The following CNTLN variants were observed in gnomAD, a reference collection of about 807,000 sequenced individuals.
CNTLN encodes centlein.
Under a neutral mutation model 180.0 loss-of-function variants are expected in CNTLN, and 212 were observed. That is an observed-to-expected ratio of 1.18 (90% CI 1.05 to 1.32). The LOEUF (loss-of-function observed/expected upper bound fraction) is 1.32. CNTLN is among the 40% of genes most tolerant of loss of function. CNTLN has a pLI of 0.00. For missense variants in CNTLN, 2,095 were observed against 1,610.9 expected, an observed-to-expected ratio of 1.30 and a Z score of -5.14; for synonymous variants, 722 against 563.1, an observed-to-expected ratio of 1.28 and a Z score of -3.99.
In CNTLN at chr9:17,176,788, T is replaced by G. The variant is rs905355040; in HGVS notation, c.449+33412T>G. Reference sequence around the variant, plus strand: ...GTTATAGGATTGTTCAGTTATCTATTTCATGTTGGTGAAGTGTGGTAGTTT... The same window carrying G: ...GTTATAGGATTGTTCAGTTATCTATGTCATGTTGGTGAAGTGTGGTAGTTT... On this transcript the variant is annotated intron_variant, in intron 2 of 25. Coordinates refer to ENST00000380647, the MANE Select transcript of CNTLN (RefSeq NM_017738.4). Among the ~76,000 whole-genome samples the G allele has an allele frequency of 1.1e-4, 17 of 152,212 alleles. 1 individual carries two copies. Among genetic ancestry groups the G allele is most frequent in the Admixed American group, 9.2e-4 (14 of 15,288 alleles).
At chr9:17,277,310 A>AACCATTACC (rs1828374270) in intron 6 of CNTLN, among the ~76,000 whole-genome samples, 1 of 152,012 alleles carries the variant, frequency 6.6e-6, no homozygotes, top group African/African-American at 2.4e-5. Flanking sequence ...TACAATTGAG[A>AACCATTACC]TGAGAATTTT....
chr9:17,246,452 G>A (rs1423437882), intron 5 of CNTLN, among the ~76,000 whole-genome samples: 1 of 152,144 alleles, frequency 6.6e-6, no homozygotes, highest in Non-Finnish European at 1.5e-5. Context: ...GGTGACACAA[G>A]CACCCCTGTG....
At chr9:17,323,832 T>G (rs1024512742) in intron 8 of CNTLN, among the ~76,000 whole-genome samples, 19 of 152,174 alleles carry the variant, frequency 1.2e-4, no homozygotes, top group African/African-American at 4.3e-4. Context: ...TAGAATAAAT[T>G]TAATTACCCT....
In CNTLN at chr9:17,484,384, T is replaced by TA; in HGVS notation, c.3949dup (p.Thr1317AsnfsTer5). The TA allele has an allele frequency of 6.2e-7, 1 of 1,612,986 alleles. No homozygotes were observed. Among genetic ancestry groups the TA allele is most frequent in the Non-Finnish European group, 8.5e-7 (1 of 1,179,558 alleles). On this transcript the variant is annotated frameshift_variant, in exon 24 of 26. Transcript: ENST00000380647. LOFTEE classifies it high-confidence loss of function. The stretch of plus-strand genomic sequence containing the variant: ...AAATGAAGAAAAACAGGGACGCCTG[T>TA]AAAACCTCAACCCATAAAGCCCAGA...
intron 2 of CNTLN, among the ~76,000 whole-genome samples, chr9:17,158,429 A>T (rs1819450962): frequency 6.6e-6 from 1 of 152,076 alleles, no homozygotes; most frequent in Non-Finnish European, 1.5e-5. Context: ...CTTAAATTTT[A>T]TGAAGAATTT....
chr9:17,290,045 C>G (rs976616338), intron 6 of CNTLN, among the ~76,000 whole-genome samples: 1 of 152,196 alleles, frequency 6.6e-6, no homozygotes, highest in African/African-American at 2.4e-5. Context: ...TTTTCCGTTG[C>G]TGGTGAGGAA....
chr9:17,312,569 T>C (rs1282812098), intron 8 of CNTLN, among the ~76,000 whole-genome samples: 1 of 141,936 alleles, frequency 7.0e-6, no homozygotes, highest in South Asian at 2.3e-4. Flanking sequence ...TTTTTTTTTT[T>C]TTTTTTTGTA....
intron 12 of CNTLN, among the ~76,000 whole-genome samples, chr9:17,358,685 G>A (rs898769018): frequency 6.6e-6 from 1 of 151,936 alleles, no homozygotes; most frequent in African/African-American, 2.4e-5. Context: ...TTTAAAGTAT[G>A]TACTAAAAAA....
rs1303798032 is a variant in CNTLN at position 17,288,707 on chromosome 9, T to G, written c.984-9483T>G. 1.4e-5 allele frequency among the ~76,000 whole-genome samples: 2 copies of G among 138,808 alleles called. 1 individual carries two copies. The highest frequency in any genetic ancestry group is 3.0e-5 in the Non-Finnish European group (2 of 65,918). The allele number at this position is 138,808 out of a possible 152,430, so 91.1% of individuals were successfully genotyped here. On this transcript the variant is annotated intron_variant, in intron 6 of 25. Coordinates refer to ENST00000380647, the MANE Select transcript of CNTLN (RefSeq NM_017738.4). ...CTGGGTGTCCTGTATTGGGTGCATA[T>G]ATATTTAGGATAGTTAGCTCTTCTT... is the stretch of plus-strand genomic sequence containing the variant.
downstream of CNTLN, among the ~76,000 whole-genome samples, chr9:17,504,522 T>C (rs1833896748): frequency 6.6e-6 from 1 of 152,162 alleles, no homozygotes; most frequent in Non-Finnish European, 1.5e-5. Flanking sequence ...AACCTGCGAA[T>C]GTGTTACTTT....
At chr9:17,504,130 T>C (rs575676392), downstream of CNTLN, among the ~76,000 whole-genome samples, 11 of 152,194 alleles carry the variant, frequency 7.2e-5, no homozygotes, top group Admixed American at 5.2e-4. Flanking sequence ...ACACTTTTCA[T>C]GTCAAAACAG....
chr9:17,497,300 G>C (rs976412638), intron 25 of CNTLN, among the ~76,000 whole-genome samples: 10 of 152,112 alleles, frequency 6.6e-5, no homozygotes, highest in African/African-American at 2.2e-4. Context: ...TTGGGGACGA[G>C]AATTATAGTG....
chr9:17,383,424 G>C (rs1564054768), intron 13 of CNTLN, among the ~76,000 whole-genome samples: 1 of 151,836 alleles, frequency 6.6e-6, no homozygotes. Context: ...TGAGGCTGGA[G>C]GATCACTTGA....
chr9:17,143,243 A>G (rs2131438502), intron 1 of CNTLN, 45 bp from the exon 2 acceptor site: 1 of 1,322,530 alleles, frequency 7.6e-7, no homozygotes, highest in Non-Finnish European at 1.1e-6. Flanking sequence ...TTATTTCACT[A>G]CCACTACAAA....
intron 12 of CNTLN, among the ~76,000 whole-genome samples, chr9:17,352,389 A>AATATATAT (rs373257904): frequency 9.5e-5 from 8 of 84,462 alleles, no homozygotes; most frequent in East Asian, 4.4e-4. Flanking sequence ...CTCAAGCTAG[A>AATATATAT]ATATATATAT....
chr9:17,290,478 C>G (rs1288427090), intron 6 of CNTLN, among the ~76,000 whole-genome samples: 5 of 147,226 alleles, frequency 3.4e-5, no homozygotes, highest in Non-Finnish European at 7.5e-5. Flanking sequence ...CTGTGCCCTG[C>G]CCCCAGAGGT....
chr9:17,236,036 G>A (rs190390586), intron 4 of CNTLN, among the ~76,000 whole-genome samples: 2 of 152,184 alleles, frequency 1.3e-5, no homozygotes, highest in South Asian at 4.1e-4. Context: ...GTAGGAGTGT[G>A]AATATGTGGC....
intron 12 of CNTLN, among the ~76,000 whole-genome samples, chr9:17,354,773 C>A (rs1822687671): frequency 6.6e-6 from 1 of 152,210 alleles, no homozygotes; most frequent in Admixed American, 6.5e-5. Context: ...GCGTTGGCAA[C>A]CCGCTCCAGT....
At chr9:17,441,541 A>G (rs928152831) in intron 18 of CNTLN, among the ~76,000 whole-genome samples, 3 of 151,844 alleles carry the variant, frequency 2.0e-5, no homozygotes, top group African/African-American at 7.3e-5. Flanking sequence ...CGAAGAAAAT[A>G]CCTATAGAAG....
Sources: allele counts gnomAD v4.1 joint callset (sites outside exome capture counted in the v4.1 genomes callset), GRCh38; gene constraint gnomAD v4.1.1; transcripts MANE v1.5; gene names NCBI Gene and HGNC (gene_info 2026-07-23, HGNC 2026-07-21).